MAP3K13: variants seen among roughly 807,000 people sequenced by gnomAD.
MAP3K13 encodes mitogen-activated protein kinase kinase kinase 13.
Under a neutral mutation model 104.0 loss-of-function variants are expected in MAP3K13, and 52 were observed. That is an observed-to-expected ratio of 0.50 (90% CI 0.40 to 0.63). MAP3K13 has a LOEUF of 0.63. MAP3K13 is among the 20% of genes least tolerant of loss of function. The probability of loss-of-function intolerance (pLI) is 0.00; values close to 1 mark genes in which losing one functional copy is unlikely to be tolerated. For synonymous variants in MAP3K13, 394 were observed against 442.2 expected (o/e 0.89, Z 1.37); for missense variants, 914 against 1,218.5 (o/e 0.75, Z 3.72).
intron 2 of MAP3K13, 114 bp downstream of exon 2, chr3:185,429,170 G>A: frequency 1.1e-6 from 1 of 928,886 alleles, no homozygotes; most frequent in Non-Finnish European, 1.6e-6. Flanking sequence ...AAGAACTAGT[G>A]ACAGATGAAT....
At chr3:185,322,273 A>G (rs1242431991) in intron 2 of MAP3K13, among the ~76,000 whole-genome samples, 2 of 152,232 alleles carry the variant, frequency 1.3e-5, no homozygotes, top group Non-Finnish European at 2.9e-5. Context: ...GACTTCTGTA[A>G]TCTGGGTTCC....
At chr3:185,327,423 T>G (rs1722076389) in intron 2 of MAP3K13, among the ~76,000 whole-genome samples, 2 of 152,170 alleles carry the variant, frequency 1.3e-5, no homozygotes, top group Non-Finnish European at 2.9e-5. Context: ...GAGGGGTGCA[T>G]TATTTTGCCT....
chr3:185,301,014 G>A (rs1721085007), intron 2 of MAP3K13, among the ~76,000 whole-genome samples: 1 of 151,992 alleles, frequency 6.6e-6, no homozygotes, highest in Non-Finnish European at 1.5e-5. Flanking sequence ...ATTTTTTGAG[G>A]AACTTCCCTA....
intron 1 of MAP3K13, among the ~76,000 whole-genome samples, chr3:185,410,631 A>C (rs1713385871): frequency 2.6e-5 from 4 of 152,110 alleles, no homozygotes; most frequent in Admixed American, 2.0e-4. Context: ...ATTATGTGTC[A>C]ATTTTTAAAA....
chr3:185,402,249 A>G (rs1334793570), intron 1 of MAP3K13, among the ~76,000 whole-genome samples: 1 of 152,208 alleles, frequency 6.6e-6, no homozygotes, highest in African/African-American at 2.4e-5. Flanking sequence ...ATGAAAGAAA[A>G]GCCTCTCGGG....
intron 1 of MAP3K13, among the ~76,000 whole-genome samples, chr3:185,380,500 ACTCCAT>A (rs1349756986): frequency 2.3e-5 from 3 of 129,296 alleles, no homozygotes; most frequent in Non-Finnish European, 4.8e-5. Flanking sequence ...ACAGAGCGAG[ACTCCAT>A]CTCAAAAAAA....
intron 11 of MAP3K13, chr3:185,476,411 A>C (rs1179822137): frequency 2.6e-5 from 4 of 151,586 alleles, no homozygotes; most frequent in African/African-American, 9.7e-5. Flanking sequence ...GATTCATGAT[A>C]TTTTAGAACT....
chr3:185,479,441 T>C (rs369812287), intron 12 of MAP3K13, among the ~76,000 whole-genome samples: 1 of 152,196 alleles, frequency 6.6e-6, no homozygotes, highest in East Asian at 1.9e-4. Flanking sequence ...GGGAAATGAG[T>C]TAGTCCAGAG....
chr3:185,455,594 A>ATATATGTGACATATATATCATATATAT (rs1283372307), intron 7 of MAP3K13, among the ~76,000 whole-genome samples: 2 of 11,756 alleles, frequency 1.7e-4, no homozygotes, highest in Non-Finnish European at 6.1e-4. Context: ...GATATATATG[A>ATATATGTGACATATATATCATATATAT]GATATATATA....
At chr3:185,432,026 G>C (rs959238703) in intron 2 of MAP3K13, among the ~76,000 whole-genome samples, 3 of 151,238 alleles carry the variant, frequency 2.0e-5, no homozygotes, top group Non-Finnish European at 4.4e-5. Context: ...TCCACCCCCT[G>C]GCCCCCATGA....
chr3:185,339,218 T>C (rs1474935834), intron 2 of MAP3K13, among the ~76,000 whole-genome samples: 2 of 151,676 alleles, frequency 1.3e-5, no homozygotes, highest in East Asian at 1.9e-4. Flanking sequence ...ACTGAGGAGG[T>C]TGAGGCAGGA....
rs1385881445 is a variant in MAP3K13 at position 185,418,169 on chromosome 3, G to A, written c.-85-10328G>A. 12 of 1,610,434 alleles carry A rather than the reference G, an allele frequency of 7.5e-6. No individual in the cohort carries two copies. The highest frequency in any genetic ancestry group is 2.2e-4 in the Middle Eastern group (1 of 4,614). On this transcript the variant is annotated intron_variant, in intron 1 of 13. Coordinates refer to ENST00000265026, the MANE Select transcript of MAP3K13 (RefSeq NM_004721.5). The surrounding 1 kb of genome is among the most constrained non-coding windows in gnomAD (Gnocchi z 4.5). ...TTATAGATGATGCACAGGCCCCTGC[G>A]CTGGATACGGCGACGGTTTCTCATT... is the stretch of plus-strand genomic sequence containing the variant.
chr3:185,340,499 T>C (rs1016811649), intron 2 of MAP3K13, among the ~76,000 whole-genome samples: 3 of 152,216 alleles, frequency 2.0e-5, no homozygotes, highest in Admixed American at 6.5e-5. Context: ...ATGTGTACTT[T>C]ATCCTGAGGA....
rs3796198 is a variant in MAP3K13, at chr3:185,418,495, A to G, written c.-85-10002A>G. ...TGCAAACCTTCGGCCTCCACGACACATGTTTCCAAAAGCACCCTGGCCAGA... is the reference window on the plus strand; with the variant it reads ...TGCAAACCTTCGGCCTCCACGACACGTGTTTCCAAAAGCACCCTGGCCAGA... On this transcript the variant is annotated intron_variant, in intron 1 of 13. Transcript: ENST00000265026. The surrounding 1 kb of genome is among the most constrained non-coding windows in gnomAD (Gnocchi z 4.5). The G allele has an allele frequency of 0.037, 59,251 of 1,611,782 alleles. 2,189 individuals are homozygous for G. The highest frequency in any genetic ancestry group is 0.22 in the East Asian group (9,647 of 44,852).
chr3:185,462,998 A>G (rs1456251836), intron 7 of MAP3K13, among the ~76,000 whole-genome samples: 1 of 151,364 alleles, frequency 6.6e-6, no homozygotes, highest in Non-Finnish European at 1.5e-5. Flanking sequence ...CCTTTCTGTT[A>G]TTTCCCTCAA....
At chr3:185,298,737 G>A (rs1184781013) in intron 2 of MAP3K13, among the ~76,000 whole-genome samples, 1 of 152,154 alleles carries the variant, frequency 6.6e-6, no homozygotes, top group Non-Finnish European at 1.5e-5. Flanking sequence ...TCAAAGTGGT[G>A]AAGTGGCAGA....
chr3:185,452,155 G>T (rs1212144221), intron 7 of MAP3K13, among the ~76,000 whole-genome samples: 2 of 152,086 alleles, frequency 1.3e-5, no homozygotes, highest in African/African-American at 4.8e-5. Context: ...TCACCTAGTA[G>T]CTCCAAGTAA....
intron 5 of MAP3K13, chr3:185,448,224 A>T (rs1715697855): frequency 2.1e-6 from 1 of 484,534 alleles, no homozygotes; most frequent in African/African-American, 1.9e-5. Flanking sequence ...AGTTTACTTC[A>T]AATGATCATT....
intron 1 of MAP3K13, among the ~76,000 whole-genome samples, chr3:185,283,898 C>CTTT (rs1201384582): frequency 6.4e-4 from 82 of 127,362 alleles, no homozygotes; most frequent in Middle Eastern, 4.3e-3. Flanking sequence ...TTCTTTCTTT[C>CTTT]TTTTTTTTTT....
Sources: gnomAD v4.1 joint callset for allele counts (sites outside exome capture counted in the v4.1 genomes callset) on GRCh38, gnomAD v4.1.1 for gene constraint, Gnocchi (gnomAD v3.1) non-coding constraint, MANE v1.5 for transcripts, NCBI Gene and HGNC (gene_info 2026-07-23, HGNC 2026-07-21) for gene names.